Variants in DCC observed in about 807,000 individuals in gnomAD.
DCC encodes netrin receptor DCC.
In DCC, 58 loss-of-function variants were observed where a neutral mutation model predicts 172.5. The observed-to-expected ratio is 0.34, with a 90% CI of 0.27 to 0.42. DCC has a LOEUF of 0.42. Among genes scored for constraint, DCC ranks in the 10% least tolerant of loss-of-function variants. The pLI, the probability that DCC is intolerant of heterozygous loss-of-function variation, is 1.00. For synonymous variants in DCC, 709 were observed against 644.5 expected, an observed-to-expected ratio of 1.10 and a Z score of -1.52; for missense variants, 1,740 against 1,791.0, an observed-to-expected ratio of 0.97 and a Z score of 0.51.
intron 1 of DCC, among the ~76,000 whole-genome samples, chr18:52,725,108 G>C (rs1260817878): frequency 6.6e-6 from 1 of 152,168 alleles, no homozygotes; most frequent in Non-Finnish European, 1.5e-5. Flanking sequence ...TGTCATGATT[G>C]ATTGATCAAG....
intron 5 of DCC, among the ~76,000 whole-genome samples, chr18:52,938,150 C>G (rs976891739): frequency 1.3e-5 from 2 of 152,112 alleles, no homozygotes; most frequent in Non-Finnish European, 2.9e-5. Flanking sequence ...AAGTTTGATG[C>G]TTGGCTGAGG....
chr18:52,340,279 C>G lies in DCC; in HGVS notation c.-509C>G. ...CCCGCCTCTCCTCCCTGGGTCCCCTCGGCTCTCGGAAGAAAAACCAACAGC... is the reference window on the plus strand; with the variant it reads ...CCCGCCTCTCCTCCCTGGGTCCCCTGGGCTCTCGGAAGAAAAACCAACAGC... On this transcript the variant is annotated 5_prime_UTR_variant, in exon 1 of 29. Coordinates refer to ENST00000442544, the MANE Select transcript of DCC (RefSeq NM_005215.4). 5.0e-6 allele frequency: 1 copy of G among 199,902 alleles called. No individual in the cohort carries two copies. Among genetic ancestry groups the G allele is most frequent in the Non-Finnish European group, 1.0e-5 (1 of 96,010 alleles). The allele number at this position is 199,902 out of a possible 1,614,324, so 12.4% of individuals were successfully genotyped here. A position where few individuals can be genotyped will look rare whatever the true frequency, so the allele number is the denominator to read the frequency against.
chr18:53,365,338 G>T lies in DCC; in HGVS notation c.2360-20705G>T, dbSNP rs185566668. ...CAGTCTATCATTGTCGGACATTTGG[G>T]TTGGTTCCAAGTCTTTGCTATTGTG... On this transcript the variant is annotated intron_variant, in intron 15 of 28. Transcript: ENST00000442544. Among the ~76,000 whole-genome samples, 501 of 151,178 alleles carry T rather than the reference G, an allele frequency of 3.3e-3. 2 individuals are homozygous for T. The highest frequency in any genetic ancestry group is 0.011 in the African/African-American group (471 of 41,106).
intron 5 of DCC, among the ~76,000 whole-genome samples, chr18:52,941,862 A>T (rs537216472): frequency 6.6e-6 from 1 of 151,986 alleles, no homozygotes; most frequent in South Asian, 2.1e-4. Context: ...GGCTCACTGC[A>T]ATCTCTGCCT....
intron 14 of DCC, among the ~76,000 whole-genome samples, chr18:53,336,507 A>G (rs1183250767): frequency 6.6e-6 from 1 of 152,148 alleles, no homozygotes; most frequent in Non-Finnish European, 1.5e-5. Flanking sequence ...TAGGTCTAAT[A>G]CTACCTTGAA....
At chr18:52,552,638 C>T (rs1454732) in intron 1 of DCC, among the ~76,000 whole-genome samples, 66,375 of 151,828 alleles carry the variant, frequency 0.44, 14,560 homozygotes, top group East Asian at 0.51. Flanking sequence ...ACCTAATTGT[C>T]TACAAATTTT....
At chr18:53,515,984 A>T (rs2046329178) in intron 27 of DCC, among the ~76,000 whole-genome samples, 1 of 150,886 alleles carries the variant, frequency 6.6e-6, no homozygotes, top group Non-Finnish European at 1.5e-5. Context: ...AAGAGCCCGC[A>T]TCACCGAGTC....
At chr18:53,396,573 A>C (rs2145022178) in intron 17 of DCC, among the ~76,000 whole-genome samples, 1 of 152,314 alleles carries the variant, frequency 6.6e-6, no homozygotes, top group Middle Eastern at 3.4e-3. Flanking sequence ...TACCATCGTT[A>C]AATGTTTGTT....
chr18:52,412,019 T>A (rs1033894978), intron 1 of DCC, among the ~76,000 whole-genome samples: 4 of 152,120 alleles, frequency 2.6e-5, no homozygotes, highest in African/African-American at 9.7e-5. Context: ...AAGATTCTAT[T>A]CAAATCCCAC....
chr18:53,428,932 T>C lies in DCC; in HGVS notation c.3164-6212T>C, dbSNP rs1205357633. Among the ~76,000 whole-genome samples, 11 of 72,610 alleles carry C rather than the reference T, an allele frequency of 1.5e-4. 1 individual carries two copies. The highest frequency in any genetic ancestry group is 5.6e-4 in the African/African-American group (11 of 19,648). 47.6% of individuals were successfully genotyped at this position (72,610 alleles called of 152,430 possible). ...AATAAATTATATATTATATATTTTATATATAATAAATTATATATAACATAT... is the reference window on the plus strand; with the variant it reads ...AATAAATTATATATTATATATTTTACATATAATAAATTATATATAACATAT... On this transcript the variant is annotated intron_variant, in intron 21 of 28. Coordinates refer to ENST00000442544, the MANE Select transcript of DCC (RefSeq NM_005215.4).
intron 7 of DCC, among the ~76,000 whole-genome samples, chr18:53,137,463 G>T (rs1438602710): frequency 6.6e-6 from 1 of 152,158 alleles, no homozygotes; most frequent in African/African-American, 2.4e-5. Context: ...CACTTCTTTG[G>T]GATCAGCAGA....
At chr18:53,136,665 A>G (rs976017540) in intron 7 of DCC, among the ~76,000 whole-genome samples, 2 of 151,250 alleles carry the variant, frequency 1.3e-5, no homozygotes, top group Admixed American at 6.6e-5. Flanking sequence ...TAGGGTTGAT[A>G]AGGTATCTTG....
intron 1 of DCC, chr18:52,419,654 T>TG (rs1012452184): frequency 6.6e-6 from 1 of 152,068 alleles, no homozygotes; most frequent in Non-Finnish European, 1.5e-5. Flanking sequence ...CATTTGTCAT[T>TG]TTTTCAGTGA....
intron 1 of DCC, among the ~76,000 whole-genome samples, chr18:52,587,824 C>T (rs543358769): frequency 5.3e-5 from 8 of 152,266 alleles, no homozygotes; most frequent in South Asian, 2.1e-4. Flanking sequence ...TCTCTGTCAA[C>T]TGATCATGGG....
chr18:53,301,886 T>A (rs1271309615), intron 12 of DCC, among the ~76,000 whole-genome samples: 1 of 152,180 alleles, frequency 6.6e-6, no homozygotes, highest in Non-Finnish European at 1.5e-5. Flanking sequence ...ATGAATATAC[T>A]GGTATTCTAG....
chr18:52,632,116 A>G (rs1223918370), intron 1 of DCC, among the ~76,000 whole-genome samples: 1 of 152,196 alleles, frequency 6.6e-6, no homozygotes, highest in African/African-American at 2.4e-5. Context: ...AGTTTCTGCT[A>G]GCAATTATCA....
chr18:52,731,400 G>T (rs989790687), intron 1 of DCC, among the ~76,000 whole-genome samples: 4 of 152,222 alleles, frequency 2.6e-5, no homozygotes, highest in Non-Finnish European at 2.9e-5. Context: ...AAATGCTGTT[G>T]CAAGGCTGTC....
chr18:53,135,530 C>A (rs917231671), intron 7 of DCC, among the ~76,000 whole-genome samples: 1 of 152,154 alleles, frequency 6.6e-6, no homozygotes, highest in Non-Finnish European at 1.5e-5. Context: ...GCAAGTGTTG[C>A]TGGTAATTCT....
chr18:52,586,082 C>CAAAAA (rs5824949), intron 1 of DCC, among the ~76,000 whole-genome samples: 11 of 73,240 alleles, frequency 1.5e-4, no homozygotes, highest in Non-Finnish European at 2.4e-4. Flanking sequence ...GACTCCGTCT[C>CAAAAA]AAAAAAAAAA....
Sources: allele counts gnomAD v4.1 joint callset (sites outside exome capture counted in the v4.1 genomes callset), GRCh38; gene constraint gnomAD v4.1.1; transcripts MANE v1.5; gene names NCBI Gene and HGNC (gene_info 2026-07-23, HGNC 2026-07-21).